JAKMIP2: variants seen among roughly 807,000 people sequenced by gnomAD.
JAKMIP2 encodes the protein janus kinase and microtubule-interacting protein 2.
A neutral mutation model predicts 115.0 loss-of-function variants in JAKMIP2; 25 were observed. That is an observed-to-expected ratio of 0.22 (90% confidence interval 0.16 to 0.30). JAKMIP2 has a LOEUF of 0.30. Ranked by LOEUF, JAKMIP2 falls within the 10% of genes least tolerant of loss-of-function variation. JAKMIP2 has a pLI of 1.00. For synonymous variants in JAKMIP2, 334 were observed against 343.6 expected (o/e 0.97, Z 0.31); for missense variants, 642 against 957.6 (o/e 0.67, Z 4.35).
intron 3 of JAKMIP2, among the ~76,000 whole-genome samples, chr5:147,650,906 T>C (rs1758365832): frequency 6.6e-6 from 1 of 152,202 alleles, no homozygotes; most frequent in South Asian, 2.1e-4. Flanking sequence ...CTCTAATGTT[T>C]CCTAGGACAT....
intron 1 of JAKMIP2, among the ~76,000 whole-genome samples, chr5:147,731,387 A>C (rs964268363): frequency 2.6e-5 from 4 of 152,186 alleles, no homozygotes; most frequent in African/African-American, 9.7e-5. Context: ...GCAGTGTTCT[A>C]AAAGTGCCCA....
At chr5:147,779,277 A>T (rs974194222) in intron 1 of JAKMIP2, among the ~76,000 whole-genome samples, 1 of 152,134 alleles carries the variant, frequency 6.6e-6, no homozygotes, top group Non-Finnish European at 1.5e-5. Flanking sequence ...AAGTTTTACT[A>T]AAGACTTACA....
chr5:147,711,669 G>T (rs1752787018), intron 1 of JAKMIP2, among the ~76,000 whole-genome samples: 1 of 152,040 alleles, frequency 6.6e-6, no homozygotes, highest in South Asian at 2.1e-4. Flanking sequence ...CATAGTAATT[G>T]TTGTTGTTGT....
At chr5:147,695,853 CT>C (rs1441872115) in intron 1 of JAKMIP2, among the ~76,000 whole-genome samples, 7 of 152,010 alleles carry the variant, frequency 4.6e-5, no homozygotes, top group Non-Finnish European at 7.4e-5. Flanking sequence ...ATAATAGAAA[CT>C]TTTTTTCTGG....
intron 1 of JAKMIP2, among the ~76,000 whole-genome samples, chr5:147,765,002 G>C (rs1755100304): frequency 8.1e-6 from 1 of 123,326 alleles, no homozygotes; most frequent in African/African-American, 3.2e-5. Flanking sequence ...GAGAGAGAGA[G>C]AGAGAGAGAA....
chr5:147,695,038 T>A (rs879477153), intron 1 of JAKMIP2, among the ~76,000 whole-genome samples: 1 of 152,160 alleles, frequency 6.6e-6, no homozygotes, highest in East Asian at 1.9e-4. Context: ...AGATGCAGGA[T>A]CAGAAGGATT....
At chr5:147,660,876 G>A (rs1561521077) in intron 3 of JAKMIP2, 72 bp downstream of exon 3, 1 of 1,528,956 alleles carries the variant, frequency 6.5e-7, no homozygotes, top group East Asian at 2.3e-5. Flanking sequence ...ACATGAAGAA[G>A]CAAACCCCAC....
chr5:147,654,008 A>T (rs567635345), intron 3 of JAKMIP2, among the ~76,000 whole-genome samples: 333 of 152,240 alleles, frequency 2.2e-3, no homozygotes, highest in African/African-American at 7.7e-3. Flanking sequence ...TTTGTCGAAG[A>T]TCAGGTGGTT....
chr5:147,667,088 A>G (rs1159826577), intron 2 of JAKMIP2, among the ~76,000 whole-genome samples: 1 of 152,120 alleles, frequency 6.6e-6, no homozygotes, highest in Non-Finnish European at 1.5e-5. Flanking sequence ...GAGTTTCTTC[A>G]GTACGTATTG....
At chr5:147,690,651 T>C (rs1751800922) in intron 1 of JAKMIP2, among the ~76,000 whole-genome samples, 1 of 150,514 alleles carries the variant, frequency 6.6e-6, no homozygotes, top group African/African-American at 2.4e-5. Context: ...TTTGGAAAGA[T>C]ATATGAGGTA....
Position 147,648,355 on chromosome 5 carries a change from A to C in JAKMIP2, c.936+21T>G, listed in dbSNP as rs1758233405. On this transcript the variant is annotated intron_variant, in intron 5 of 21. Coordinates refer to ENST00000616793, the MANE Select transcript of JAKMIP2 (RefSeq NM_001270941.2). ...ATAATGCTTAACAACAACATCAACA[A>C]AAATTTTTAGTATATCTCACCAGTT... The C allele has an allele frequency of 2.9e-6, 4 of 1,398,104 alleles. No homozygotes were observed. In the African/African-American group the frequency reaches 5.7e-5, roughly 20 times the overall value. The allele number at this position is 1,398,104 out of a possible 1,614,324, so 86.6% of individuals were successfully genotyped here.
At chr5:147,778,527 A>C (rs1755647632) in intron 1 of JAKMIP2, among the ~76,000 whole-genome samples, 1 of 152,110 alleles carries the variant, frequency 6.6e-6, no homozygotes, top group South Asian at 2.1e-4. Flanking sequence ...TCATGAGACT[A>C]GGGATCCAGC....
intron 1 of JAKMIP2, among the ~76,000 whole-genome samples, chr5:147,772,543 CTTT>C (rs1230309947): frequency 6.9e-6 from 1 of 144,504 alleles, no homozygotes; most frequent in African/African-American, 2.5e-5. Flanking sequence ...GCCAGATTTT[CTTT>C]TTTTTTTTTC....
chr5:147,605,319 C>G (rs1755948610), intron 20 of JAKMIP2, among the ~76,000 whole-genome samples: 1 of 151,038 alleles, frequency 6.6e-6, no homozygotes, highest in South Asian at 2.1e-4. Flanking sequence ...ATGCCATTCT[C>G]CTGCCTCAGC....
chr5:147,657,050 C>T (rs991618123), intron 3 of JAKMIP2, among the ~76,000 whole-genome samples: 14 of 152,172 alleles, frequency 9.2e-5, no homozygotes, highest in South Asian at 2.1e-4. Flanking sequence ...GAGGCCGAGG[C>T]GGGTGGATCA....
intron 19 of JAKMIP2, among the ~76,000 whole-genome samples, chr5:147,616,688 T>G (rs748360739): frequency 9.2e-5 from 14 of 152,186 alleles, no homozygotes; most frequent in Non-Finnish European, 1.8e-4. Context: ...ATTAAAGACT[T>G]TAAGAAGTCT....
At chr5:147,656,990 ATGT>A in intron 3 of JAKMIP2, among the ~76,000 whole-genome samples, 1 of 152,132 alleles carries the variant, frequency 6.6e-6, no homozygotes, top group Non-Finnish European at 1.5e-5. Flanking sequence ...TTCTTTAAGA[ATGT>A]TGATGGCTGG....
chr5:147,697,965 G>A (rs768122953), intron 1 of JAKMIP2, among the ~76,000 whole-genome samples: 55 of 152,176 alleles, frequency 3.6e-4, no homozygotes, highest in Non-Finnish European at 7.1e-4. Context: ...ACCCCAGAAT[G>A]GTAGAGCCAC....
chr5:147,691,295 C>T (rs1230762497), intron 1 of JAKMIP2, among the ~76,000 whole-genome samples: 1 of 152,050 alleles, frequency 6.6e-6, no homozygotes, highest in Non-Finnish European at 1.5e-5. Context: ...TACTATTAAC[C>T]TTCTCACCTC....
Sources: allele counts gnomAD v4.1 joint callset (sites outside exome capture counted in the v4.1 genomes callset), GRCh38; gene constraint gnomAD v4.1.1; transcripts MANE v1.5; gene names NCBI Gene and HGNC (gene_info 2026-07-23, HGNC 2026-07-21).